The following ZFHX3 variants were observed in gnomAD, a reference collection of about 807,000 sequenced individuals.
ZFHX3 encodes the protein zinc finger homeobox 3, also known as zinc finger homeobox protein 3.
A neutral mutation model predicts 279.1 loss-of-function variants in ZFHX3; 42 were observed. The ratio of observed to expected loss-of-function variants is 0.15; its 90% CI spans 0.12 to 0.19. The LOEUF is 0.19. Among genes scored for constraint, ZFHX3 ranks in the 10% least tolerant of loss-of-function variants. The probability of loss-of-function intolerance (pLI) is 1.00; values close to 1 mark genes in which losing one functional copy is unlikely to be tolerated. For missense variants in ZFHX3, 4,981 were observed against 4,754.0 expected, an observed-to-expected ratio of 1.05 and a Z score of -1.40; for synonymous variants, 2,293 against 1,957.8, an observed-to-expected ratio of 1.17 and a Z score of -4.52.
rs1259341632 is a variant in ZFHX3 at position 73,284,868 on chromosome 16, G to A, written c.-1193-27732C>T. On this transcript the variant is annotated intron_variant, in intron 4 of 17. Coordinates refer to the ZFHX3 transcript ENST00000641206. ...TGTTTTTGTTTTGTTTTTAAGACAC[G>A]GTCTCTCCCTGTTGCTCAGGCTGGA... Among the ~76,000 whole-genome samples, 4 of 151,932 alleles carry A rather than the reference G, an allele frequency of 2.6e-5. No homozygotes were observed. In the South Asian group the frequency reaches 8.3e-4, roughly 32 times the overall value.
chr16:72,788,129 GTTGCCGCTGCTGCTGCTGCTGAA>G lies in ZFHX3; in HGVS notation c.10124_10146del (p.Ile3375ThrfsTer48). 1 of 1,596,868 alleles carries G rather than the reference GTTGCCGCTGCTGCTGCTGCTGAA, an allele frequency of 6.3e-7. No homozygotes were observed. Among genetic ancestry groups the G allele is most frequent in the Non-Finnish European group, 8.6e-7 (1 of 1,167,990 alleles). On this transcript the variant is annotated frameshift_variant, in exon 10 of 10. Coordinates refer to ENST00000268489, the MANE Select transcript of ZFHX3 (RefSeq NM_006885.4). LOFTEE classifies it high-confidence loss of function. ...ACTTTTTGCTGCTGCTGCTGCTGTA[GTTGCCGCTGCTGCTGCTGCTGAA>G]TTGCCTCCTGCAGACTCTGCTGGTA...
At chr16:73,647,028 T>C (rs943084737) in intron 2 of ZFHX3, among the ~76,000 whole-genome samples, 4 of 150,900 alleles carry the variant, frequency 2.7e-5, no homozygotes, top group African/African-American at 9.7e-5. Context: ...TTTTTTCTTT[T>C]TTTTTTTTTG....
At chr16:73,463,286 C>A (rs1298998821) in intron 2 of ZFHX3, among the ~76,000 whole-genome samples, 1 of 152,184 alleles carries the variant, frequency 6.6e-6, no homozygotes. Context: ...ATTGTCCCCT[C>A]AACTTTACAG....
In ZFHX3 at chr16:72,920,666, G is replaced by A. The variant is rs950873562; in HGVS notation, c.3216+29803C>T. 5.1e-5 allele frequency among the ~76,000 whole-genome samples: 7 copies of A among 137,980 alleles called. No homozygotes were observed. The East Asian group carries it at 5.9e-4, about 12-fold the overall frequency. The allele number at this position is 137,980 out of a possible 152,430, so 90.5% of individuals were successfully genotyped here. A position where few individuals can be genotyped will look rare whatever the true frequency, so the allele number is the denominator to read the frequency against. On this transcript the variant is annotated intron_variant, in intron 3 of 9. Coordinates refer to ENST00000268489, the MANE Select transcript of ZFHX3 (RefSeq NM_006885.4). ...GCCTGGGTGACAAAAGTGAAAGTTC[G>A]TCTCAAAAAAAAAATTAAAAAAAAA...
intron 3 of ZFHX3, among the ~76,000 whole-genome samples, chr16:73,391,243 A>G (rs112765979): frequency 0.01 from 1,534 of 152,236 alleles, 25 homozygotes; most frequent in African/African-American, 0.035. Flanking sequence ...TGGGAGGCCA[A>G]GGCATGCAGA....
chr16:73,647,501 C>T (rs1268892689), intron 2 of ZFHX3, among the ~76,000 whole-genome samples: 1 of 152,118 alleles, frequency 6.6e-6, no homozygotes, highest in African/African-American at 2.4e-5. Context: ...CATCTTAAGA[C>T]ATCTTTCACC....
chr16:73,381,930 T>G (rs1357095562), intron 3 of ZFHX3, among the ~76,000 whole-genome samples: 15 of 152,226 alleles, frequency 9.9e-5, no homozygotes, highest in Non-Finnish European at 2.2e-4. Context: ...TAAAATATTA[T>G]GGTCTCTGCT....
At chr16:73,776,497 G>A (rs1420733977) in intron 1 of ZFHX3, among the ~76,000 whole-genome samples, 1 of 152,086 alleles carries the variant, frequency 6.6e-6, no homozygotes, top group Non-Finnish European at 1.5e-5. Flanking sequence ...GGCTATCGAC[G>A]ACAGGGAGTA....
chr16:73,464,541 A>G (rs1020710988), intron 2 of ZFHX3, among the ~76,000 whole-genome samples: 1 of 136,626 alleles, frequency 7.3e-6, no homozygotes, highest in African/African-American at 2.7e-5. Context: ...TAAGCTTCCA[A>G]TCGGTTCTTT....
chr16:73,696,256 A>G (rs1324794082), intron 1 of ZFHX3, among the ~76,000 whole-genome samples: 2 of 152,232 alleles, frequency 1.3e-5, no homozygotes, highest in African/African-American at 2.4e-5. Flanking sequence ...GCAGAGAGTT[A>G]GTAATGAGCA....
At chr16:73,055,225 A>G (rs1965522766) in intron 1 of ZFHX3, among the ~76,000 whole-genome samples, 1 of 151,802 alleles carries the variant, frequency 6.6e-6, no homozygotes, top group South Asian at 2.1e-4. Context: ...TAGAGACCCA[A>G]CCTTATTTGC....
intron 4 of ZFHX3, among the ~76,000 whole-genome samples, chr16:72,848,659 A>T: frequency 2.9e-5 from 1 of 34,474 alleles, no homozygotes; most frequent in East Asian, 1.0e-3. Context: ...CCCCTATGCC[A>T]CTGGAACACC....
intron 1 of ZFHX3, among the ~76,000 whole-genome samples, chr16:73,024,258 G>GGCAGGTGAGCAAGGAGAGAT (rs1964414963): frequency 6.6e-6 from 1 of 152,156 alleles, no homozygotes; most frequent in East Asian, 1.9e-4. Context: ...GGGGAAGGGA[G>GGCAGGTGAGCAAGGAGAGAT]GGGCGAAAGA....
At chr16:73,553,486 A>G (rs2143774002) in intron 2 of ZFHX3, among the ~76,000 whole-genome samples, 1 of 152,346 alleles carries the variant, frequency 6.6e-6, no homozygotes, top group South Asian at 2.1e-4. Context: ...AGGTGAGCAG[A>G]GTCCAGACCA....
At chr16:72,826,924 A>G (rs1463791823) in intron 5 of ZFHX3, among the ~76,000 whole-genome samples, 2 of 152,198 alleles carry the variant, frequency 1.3e-5, no homozygotes, top group Non-Finnish European at 2.9e-5. Flanking sequence ...TGCTGTGAAG[A>G]CACACTCCCA....
intron 7 of ZFHX3, among the ~76,000 whole-genome samples, chr16:73,115,033 G>A (rs1966415578): frequency 6.6e-6 from 1 of 152,128 alleles, no homozygotes; most frequent in Non-Finnish European, 1.5e-5. Flanking sequence ...AGAAGCAGCT[G>A]TCTTCAGCTT....
At chr16:73,877,198 AG>A (rs201923167) in intron 1 of ZFHX3, among the ~76,000 whole-genome samples, 1 of 38,736 alleles carries the variant, frequency 2.6e-5, no homozygotes, top group African/African-American at 1.3e-4. Flanking sequence ...TCGGGGGGTT[AG>A]GTCGGGGGGG....
chr16:73,798,134 G>A (rs1389272056), intron 1 of ZFHX3, among the ~76,000 whole-genome samples: 1 of 151,976 alleles, frequency 6.6e-6, no homozygotes. Flanking sequence ...GTAACTATAA[G>A]GTAGTAATAA....
intron 1 of ZFHX3, among the ~76,000 whole-genome samples, chr16:73,749,459 A>G (rs1851681248): frequency 1.3e-5 from 2 of 152,136 alleles, no homozygotes; most frequent in South Asian, 4.1e-4. Context: ...AATTTATTAC[A>G]GCTATTTACT....
Sources: allele counts gnomAD v4.1 joint callset (sites outside exome capture counted in the v4.1 genomes callset), GRCh38; gene constraint gnomAD v4.1.1; transcripts MANE v1.5; gene names NCBI Gene and HGNC (gene_info 2026-07-23, HGNC 2026-07-21).